Variants in PTPRA observed in about 807,000 individuals in gnomAD.
PTPRA encodes protein tyrosine phosphatase receptor type A.
Under a neutral mutation model 104.8 loss-of-function variants are expected in PTPRA, and 25 were observed. The observed-to-expected ratio is 0.24, with a 90% CI of 0.17 to 0.33. The LOEUF is 0.33. Ranked by LOEUF, PTPRA falls within the 10% of genes least tolerant of loss-of-function variation. The probability of loss-of-function intolerance (pLI) is 1.00; values close to 1 mark genes in which losing one functional copy is unlikely to be tolerated. For synonymous variants in PTPRA, 323 were observed against 368.9 expected (o/e 0.88, Z 1.43); for missense variants, 765 against 1,015.3 (o/e 0.75, Z 3.35).
Position 3,019,995 on chromosome 20 carries a change from G to A in PTPRA, c.1042-1314G>A, listed in dbSNP as rs2064769470. Among the ~76,000 whole-genome samples the A allele has an allele frequency of 7.9e-5, 12 of 152,270 alleles. No homozygotes were observed. In the South Asian group the frequency reaches 2.5e-3, roughly 32 times the overall value. On this transcript the variant is annotated intron_variant, in intron 13 of 23. Coordinates refer to ENST00000399903, the MANE Select transcript of PTPRA (RefSeq NM_001385305.1). ...AGGCTGAGGCAGGAGAATCAGGCAG[G>A]GAGGTTGCAGTGAGCCGAGATGGCA...
chr20:3,028,580 G>C (rs1027832068), intron 20 of PTPRA, among the ~76,000 whole-genome samples: 1 of 152,188 alleles, frequency 6.6e-6, no homozygotes, highest in Non-Finnish European at 1.5e-5. Flanking sequence ...GGGGGACCCA[G>C]TCTGTGTTCT....
At chr20:3,036,351 G>GAGGTT (rs1489177780) in intron 22 of PTPRA, among the ~76,000 whole-genome samples, 1 of 152,230 alleles carries the variant, frequency 6.6e-6, no homozygotes, top group Non-Finnish European at 1.5e-5. Context: ...CATGTTGCTG[G>GAGGTT]AGGTTACGTT....
chr20:2,930,308 TAGGTGAAAAA>T (rs2060461310), intron 2 of PTPRA, among the ~76,000 whole-genome samples: 1 of 152,104 alleles, frequency 6.6e-6, no homozygotes, highest in African/African-American at 2.4e-5. Context: ...GATTTTGTGG[TAGGTGAAAAA>T]AGGATTCCAG....
intron 14 of PTPRA, 109 bp from the exon 15 acceptor site, chr20:3,021,945 A>G: frequency 7.3e-7 from 1 of 1,367,240 alleles, no homozygotes; most frequent in Non-Finnish European, 1.0e-6. Context: ...TCCCCTGGGT[A>G]CACTTACTTT....
intron 6 of PTPRA, among the ~76,000 whole-genome samples, chr20:2,985,018 T>G (rs1430921459): frequency 1.3e-5 from 2 of 152,246 alleles, no homozygotes; most frequent in African/African-American, 2.4e-5. Context: ...AACAGTGTCT[T>G]CCTTCCTCCC....
At chr20:2,949,189 C>T (rs1431932348) in intron 3 of PTPRA, among the ~76,000 whole-genome samples, 1 of 151,986 alleles carries the variant, frequency 6.6e-6, no homozygotes, top group African/African-American at 2.4e-5. Flanking sequence ...TAGACCCTTT[C>T]TTGAGTGCAA....
At chr20:2,921,342 T>TG (rs1491284752) in intron 1 of PTPRA, among the ~76,000 whole-genome samples, 8 of 110,968 alleles carry the variant, frequency 7.2e-5, no homozygotes, top group South Asian at 6.3e-4. Context: ...TTTTTTTTTT[T>TG]GAAGAACACC....
rs567031272 is a variant in PTPRA at position 2,916,959 on chromosome 20, C to A, written c.-128-6248C>A. Reference sequence around the variant, plus strand: ...AATTTTAGGATCAGTTTTTTTATTTCTTTTTTTTTTTTTTTTGAGACAGAG... The same window carrying A: ...AATTTTAGGATCAGTTTTTTTATTTATTTTTTTTTTTTTTTTGAGACAGAG... On this transcript the variant is annotated intron_variant, in intron 1 of 23. Transcript: ENST00000399903. 1.9e-3 allele frequency among the ~76,000 whole-genome samples: 254 copies of A among 131,532 alleles called. 1 individual carries two copies. Among genetic ancestry groups the A allele is most frequent in the Non-Finnish European group, 3.2e-3 (203 of 63,252 alleles). 86.3% of individuals were successfully genotyped at this position (131,532 alleles called of 152,430 possible).
chr20:3,025,383 G>A (rs866300965), intron 17 of PTPRA, among the ~76,000 whole-genome samples: 25 of 150,022 alleles, frequency 1.7e-4, no homozygotes, highest in South Asian at 4.2e-4. Flanking sequence ...AACCCGGAAG[G>A]CAGAGGTTGC....
chr20:3,029,590 G>A (rs530328001), intron 20 of PTPRA, among the ~76,000 whole-genome samples: 2 of 119,798 alleles, frequency 1.7e-5, no homozygotes, highest in South Asian at 5.7e-4. Context: ...AGGCTGGAGT[G>A]CAGTGGCACA....
At chr20:3,007,199 G>T (rs1040980912) in intron 10 of PTPRA, 145 bp from the exon 11 acceptor site, 3 of 705,690 alleles carry the variant, frequency 4.3e-6, no homozygotes, top group African/African-American at 3.6e-5. Context: ...CTGTTATACT[G>T]TTGGAGTTAT....
At chr20:2,961,045 G>A (rs2061737888) in intron 3 of PTPRA, among the ~76,000 whole-genome samples, 1 of 152,100 alleles carries the variant, frequency 6.6e-6, no homozygotes, top group Non-Finnish European at 1.5e-5. Context: ...AGGATATCTT[G>A]ATTGCTCCCA....
chr20:2,877,459 A>G (rs970585157), intron 1 of PTPRA, among the ~76,000 whole-genome samples: 2 of 152,168 alleles, frequency 1.3e-5, no homozygotes, highest in Admixed American at 1.3e-4. Context: ...GGGTTTCTCC[A>G]TGTTGGTAAG....
rs755820138 is a variant in PTPRA, at chr20:3,024,662, C to T, written c.1614+41C>T. On this transcript the variant is annotated intron_variant, in intron 17 of 23. Coordinates refer to ENST00000399903, the MANE Select transcript of PTPRA (RefSeq NM_001385305.1). ...ATAACCTCCTTCAGATTGAAGGATCCTTGTAATCTGGGGAACATGGGATGC... is the reference window on the plus strand; with the variant it reads ...ATAACCTCCTTCAGATTGAAGGATCTTTGTAATCTGGGGAACATGGGATGC... 1.2e-5 allele frequency: 19 copies of T among 1,608,126 alleles called. No homozygotes were observed. In the South Asian group the frequency reaches 1.9e-4, roughly 16 times the overall value.
chr20:3,022,361 C>A lies in PTPRA; in HGVS notation c.1328+141C>A. ...GGGGCACCAGCGCAACAGCCAGAGA[C>A]TCCAAGTTCTAGTGCAGGGTGGAGA... On this transcript the variant is annotated intron_variant, in intron 15 of 23. Transcript: ENST00000399903. The surrounding 1 kb of genome is among the most constrained non-coding windows in gnomAD (Gnocchi z 4.6). 1 of 1,122,230 alleles carries A rather than the reference C, an allele frequency of 8.9e-7. No individual in the cohort carries two copies. Among genetic ancestry groups the A allele is most frequent in the Non-Finnish European group, 1.3e-6 (1 of 788,036 alleles). The allele number at this position is 1,122,230 out of a possible 1,614,324, so 69.5% of individuals were successfully genotyped here.
intron 6 of PTPRA, among the ~76,000 whole-genome samples, chr20:2,985,551 G>C (rs1409623525): frequency 6.6e-6 from 1 of 152,134 alleles, no homozygotes; most frequent in Non-Finnish European, 1.5e-5. Flanking sequence ...AGGCGGATGA[G>C]TCAGTGCCTG....
At chr20:2,888,681 A>G (rs900253377) in intron 1 of PTPRA, among the ~76,000 whole-genome samples, 2 of 152,146 alleles carry the variant, frequency 1.3e-5, no homozygotes, top group Non-Finnish European at 1.5e-5. Context: ...TATATATAGT[A>G]TATATAGTAA....
chr20:2,940,086 G>A (rs2060853564), intron 2 of PTPRA, among the ~76,000 whole-genome samples: 1 of 152,184 alleles, frequency 6.6e-6, no homozygotes, highest in Admixed American at 6.5e-5. Flanking sequence ...CTCCAGCCTG[G>A]GCAAGAAGAG....
the PTPRA span, among the ~76,000 whole-genome samples, chr20:2,867,437 G>A: frequency 0.018 from 2,716 of 152,242 alleles, 39 homozygotes; most frequent in Non-Finnish European, 0.027. Flanking sequence ...CAATCAGTAG[G>A]AGTACCCGCG....
Sources: gnomAD v4.1 joint callset for allele counts (sites outside exome capture counted in the v4.1 genomes callset) on GRCh38, gnomAD v4.1.1 for gene constraint, Gnocchi (gnomAD v3.1) non-coding constraint, MANE v1.5 for transcripts, NCBI Gene and HGNC (gene_info 2026-07-23, HGNC 2026-07-21) for gene names.